Variants in CD163L1 observed in about 807,000 individuals in gnomAD.
The protein encoded by CD163L1 is CD163 molecule like 1.
A neutral mutation model predicts 165.4 loss-of-function variants in CD163L1; 124 were observed. That is an observed-to-expected ratio of 0.75 (90% CI 0.65 to 0.87). CD163L1 has a LOEUF of 0.87. Ranked by LOEUF, CD163L1 falls within the 40% of genes least tolerant of loss-of-function variation. CD163L1 has a pLI of 0.00. For missense variants in CD163L1, 1,525 were observed against 1,799.9 expected (o/e 0.85, Z 2.76); for synonymous variants, 585 against 662.2 (o/e 0.88, Z 1.79).
Position 7,432,271 on chromosome 12 carries a change from C to T in CD163L1, c.766+145G>A. The T allele has an allele frequency of 1.6e-6, 1 of 642,232 alleles. No homozygotes were observed. Among genetic ancestry groups the T allele is most frequent in the Non-Finnish European group, 2.7e-6 (1 of 376,818 alleles). 39.8% of individuals were successfully genotyped at this position (642,232 alleles called of 1,614,324 possible). On this transcript the variant is annotated intron_variant, in intron 4 of 19. Transcript: ENST00000313599. This position sits in a 1 kb window ranked among gnomAD's most constrained non-coding sequence, Gnocchi z 4.2. ...TTTAGGAAGAGTGTTTAGGAAAACT[C>T]CAGAATGGAGCAATTTCAGGGTAAC...
At chr12:7,439,318 T>A in intron 2 of CD163L1, 17 of 1,574,644 alleles carry the variant, frequency 1.1e-5, no homozygotes, top group Non-Finnish European at 1.4e-5. Flanking sequence ...TTTAATTCCT[T>A]TGTTTCTTTT....
the CD163L1 span, chr12:7,323,176 G>A: frequency 5.7e-5 from 82 of 1,449,366 alleles, 1 homozygote; most frequent in South Asian, 9.4e-4. Flanking sequence ...TCATTGCCAT[G>A]ATATAGTTTC....
At chr12:7,425,353 A>G (rs1948523119) in intron 4 of CD163L1, among the ~76,000 whole-genome samples, 1 of 152,244 alleles carries the variant, frequency 6.6e-6, no homozygotes. Flanking sequence ...TTAAAGACTT[A>G]AATGTAAAAC....
rs140643189 is a variant in CD163L1, at chr12:7,403,719, C to T, written c.1224G>A (p.Lys408=). 13 of 1,613,970 alleles carry T rather than the reference C, an allele frequency of 8.1e-6. 1 individual carries two copies. The African/African-American group carries it at 1.7e-4, about 22-fold the overall frequency. ...WKNEQALVVC[K]QLGCPFSVFG... is the part of the protein sequence containing the mutation. The stretch of plus-strand genomic sequence containing the variant: ...AGACGCTGAACGGACATCCTAGCTG[C>T]TTACAAACCACAAGGGCTTGTTCAT... Residue 408 remains lysine (K), a synonymous_variant, in exon 6 of 20, where the codon AAG becomes AAA. Transcript: ENST00000313599.
At chr12:7,373,035 C>T (rs1376197516) in intron 14 of CD163L1, among the ~76,000 whole-genome samples, 1 of 152,072 alleles carries the variant, frequency 6.6e-6, no homozygotes, top group African/African-American at 2.4e-5. Context: ...TTTTTTAAAA[C>T]ACTGTAATTT....
At chr12:7,414,379 C>A (rs771136803) in intron 4 of CD163L1, among the ~76,000 whole-genome samples, 1 of 151,834 alleles carries the variant, frequency 6.6e-6, no homozygotes. Flanking sequence ...GAAGAAAGAA[C>A]CAATGAACTG....
At chr12:7,399,278 T>C (rs1947852561) in intron 6 of CD163L1, among the ~76,000 whole-genome samples, 2 of 140,056 alleles carry the variant, frequency 1.4e-5, no homozygotes, top group Admixed American at 1.5e-4. Flanking sequence ...TCTTCCTTTT[T>C]CTTCTTTCCT....
chr12:7,368,817 A>T lies in CD163L1; in HGVS notation c.4072+116T>A. ...TGATACCACTGGCTGCGACCCACAG[A>T]CTCATATTTCTGCAGTCCCCAGTCT... On this transcript the variant is annotated intron_variant, in intron 16 of 19. Coordinates refer to ENST00000313599, the MANE Select transcript of CD163L1 (RefSeq NM_174941.6). The surrounding 1 kb of genome is among the most constrained non-coding windows in gnomAD (Gnocchi z 4.3). 8.8e-7 allele frequency: 1 copy of T among 1,134,522 alleles called. No homozygotes were observed. The highest frequency in any genetic ancestry group is 1.3e-6 in the Non-Finnish European group (1 of 753,594). The allele number at this position is 1,134,522 out of a possible 1,614,324, so 70.3% of individuals were successfully genotyped here. A position where few individuals can be genotyped will look rare whatever the true frequency, so the allele number is the denominator to read the frequency against.
chr12:7,362,538 T>A (rs1482571862), intron 18 of CD163L1, among the ~76,000 whole-genome samples: 1 of 143,088 alleles, frequency 7.0e-6, no homozygotes, highest in East Asian at 2.0e-4. Flanking sequence ...TATGTATAAA[T>A]ATATAATATA....
chr12:7,421,498 TGTAC>T (rs1247895024), intron 4 of CD163L1, among the ~76,000 whole-genome samples: 1 of 80,374 alleles, frequency 1.2e-5, no homozygotes, highest in East Asian at 4.1e-4. Context: ...TATACATATA[TGTAC>T]ATATACATAT....
rs1181540554 is a variant in CD163L1, at chr12:7,374,396, G to C, written c.3409+46C>G. 13 of 1,537,826 alleles carry C rather than the reference G, an allele frequency of 8.5e-6. No individual in the cohort carries two copies. Among genetic ancestry groups the C allele is most frequent in the Non-Finnish European group, 1.1e-5 (13 of 1,134,492 alleles). ...ACAATTGTGTTGTGTGTGTGCAAGT[G>C]TGTGCACGTGTGTGTAGAGGAGGGT... On this transcript the variant is annotated intron_variant, in intron 13 of 19. Coordinates refer to ENST00000313599, the MANE Select transcript of CD163L1 (RefSeq NM_174941.6). The surrounding 1 kb of genome is among the most constrained non-coding windows in gnomAD (Gnocchi z 5.4).
intron 18 of CD163L1, among the ~76,000 whole-genome samples, chr12:7,363,718 C>T (rs115270019): frequency 0.019 from 2,884 of 150,716 alleles, 86 homozygotes; most frequent in African/African-American, 0.065. Context: ...CTACCAACAC[C>T]GTGCCATGAA....
At chr12:7,434,865 A>G (rs891446828) in intron 2 of CD163L1, among the ~76,000 whole-genome samples, 1 of 152,186 alleles carries the variant, frequency 6.6e-6, no homozygotes, top group Non-Finnish European at 1.5e-5. Context: ...TGAGTTAACC[A>G]TAAGTCTTCA....
chr12:7,336,567 G>A, the CD163L1 span, among the ~76,000 whole-genome samples: 1 of 152,026 alleles, frequency 6.6e-6, no homozygotes, highest in Non-Finnish European at 1.5e-5. Flanking sequence ...TAAATGACAA[G>A]TTAATGGGTG....
chr12:7,391,934 G>A (rs1006353433), intron 8 of CD163L1, among the ~76,000 whole-genome samples: 27 of 152,102 alleles, frequency 1.8e-4, no homozygotes, highest in African/African-American at 5.8e-4. Context: ...CAAGTCCTTA[G>A]AGACCTACAA....
intron 4 of CD163L1, among the ~76,000 whole-genome samples, chr12:7,407,399 G>A (rs189833714): frequency 1.3e-3 from 203 of 151,844 alleles, no homozygotes; most frequent in African/African-American, 4.3e-3. Flanking sequence ...TGGAACAAAC[G>A]AAACAAATGA....
chr12:7,324,211 G>C, the CD163L1 span: 2 of 1,577,664 alleles, frequency 1.3e-6, no homozygotes, highest in Non-Finnish European at 1.7e-6. Context: ...GTCACTTAAT[G>C]AGTGCCATAC....
chr12:7,368,708 A>AC lies in CD163L1; in HGVS notation c.4072+224dup. On this transcript the variant is annotated intron_variant, in intron 16 of 19. Coordinates refer to ENST00000313599, the MANE Select transcript of CD163L1 (RefSeq NM_174941.6). The surrounding 1 kb of genome is among the most constrained non-coding windows in gnomAD (Gnocchi z 4.3). The stretch of plus-strand genomic sequence containing the variant: ...ATCTAGAAAGATTATCTATGAGGGT[A>AC]CCATGAGAGTCTTATCCTTCTCTGC... 1 of 514,094 alleles carries AC rather than the reference A, an allele frequency of 1.9e-6. No homozygotes were observed. Among genetic ancestry groups the AC allele is most frequent in the African/African-American group, 1.9e-5 (1 of 52,726 alleles). The allele number at this position is 514,094 out of a possible 1,614,324, so 31.8% of individuals were successfully genotyped here.
chr12:7,383,331 G>T (rs1343181251), intron 8 of CD163L1, among the ~76,000 whole-genome samples: 1 of 152,106 alleles, frequency 6.6e-6, no homozygotes, highest in Non-Finnish European at 1.5e-5. Flanking sequence ...AGAATTGCCT[G>T]CCCAGCACTG....
Sources: gnomAD v4.1 joint callset for allele counts (sites outside exome capture counted in the v4.1 genomes callset) on GRCh38, gnomAD v4.1.1 for gene constraint, Gnocchi (gnomAD v3.1) non-coding constraint, MANE v1.5 for transcripts, NCBI Gene and HGNC (gene_info 2026-07-23, HGNC 2026-07-21) for gene names.